Variants in GRM3 observed in about 807,000 individuals in gnomAD.
The protein encoded by GRM3 is metabotropic glutamate receptor 3.
A neutral mutation model predicts 70.5 loss-of-function variants in GRM3; 26 were observed. The ratio of observed to expected loss-of-function variants is 0.37; its 90% confidence interval spans 0.27 to 0.51. The LOEUF (loss-of-function observed/expected upper bound fraction) is 0.51, where lower values mean the gene tolerates loss of function less well. Ranked by LOEUF, GRM3 falls within the 20% of genes least tolerant of loss-of-function variation. The pLI is 0.93. For synonymous variants in GRM3, 443 were observed against 434.9 expected (o/e 1.02, Z -0.23); for missense variants, 859 against 1,123.8 (o/e 0.76, Z 3.37).
intron 1 of GRM3, among the ~76,000 whole-genome samples, chr7:86,735,686 G>T (rs1391072237): frequency 6.6e-6 from 1 of 152,154 alleles, no homozygotes; most frequent in Non-Finnish European, 1.5e-5. Flanking sequence ...ACTACGAGTG[G>T]ATGAAGGATC....
At chr7:86,805,128 G>A (rs1293247628) in intron 3 of GRM3, among the ~76,000 whole-genome samples, 2 of 151,958 alleles carry the variant, frequency 1.3e-5, no homozygotes, top group African/African-American at 4.8e-5. Flanking sequence ...AAAAATAGAA[G>A]GGAAGATAAA....
intron 3 of GRM3, among the ~76,000 whole-genome samples, chr7:86,805,211 A>C (rs1797763960): frequency 1.3e-5 from 2 of 152,370 alleles, no homozygotes; most frequent in Non-Finnish European, 1.5e-5. Flanking sequence ...GACTTTGAAG[A>C]ACCAGGGAAA....
intron 3 of GRM3, among the ~76,000 whole-genome samples, chr7:86,800,591 A>C (rs1280225823): frequency 6.6e-6 from 1 of 152,224 alleles, no homozygotes; most frequent in East Asian, 1.9e-4. Flanking sequence ...TGAACAAGGG[A>C]GAAGTTGAAT....
At chr7:86,834,330 C>A (rs1020615800) in intron 3 of GRM3, among the ~76,000 whole-genome samples, 3 of 152,078 alleles carry the variant, frequency 2.0e-5, no homozygotes, top group Non-Finnish European at 4.4e-5. Context: ...CAGAGTAATT[C>A]TTTTCCTGTT....
intron 1 of GRM3, among the ~76,000 whole-genome samples, chr7:86,688,503 T>C (rs1376820709): frequency 6.6e-6 from 1 of 151,456 alleles, no homozygotes; most frequent in Non-Finnish European, 1.5e-5. Flanking sequence ...AAGCAAAAAG[T>C]TGAAAGAACT....
At chr7:86,732,687 G>T (rs777930692) in intron 1 of GRM3, among the ~76,000 whole-genome samples, 2 of 152,178 alleles carry the variant, frequency 1.3e-5, no homozygotes, top group Non-Finnish European at 2.9e-5. Context: ...GGCTTAAAAA[G>T]ATTCAATAAG....
intron 1 of GRM3, among the ~76,000 whole-genome samples, chr7:86,724,493 ATTAT>A (rs1795546787): frequency 6.6e-6 from 1 of 152,188 alleles, no homozygotes; most frequent in Admixed American, 6.5e-5. Context: ...AGCCCTTTAC[ATTAT>A]TTATTTTTAC....
intron 3 of GRM3, among the ~76,000 whole-genome samples, chr7:86,821,806 C>T (rs1431413177): frequency 1.3e-5 from 2 of 152,126 alleles, no homozygotes; most frequent in African/African-American, 4.8e-5. Flanking sequence ...CACCACGCTT[C>T]CTTAATTTTT....
At chr7:86,842,200 G>T (rs922725787) in intron 4 of GRM3, among the ~76,000 whole-genome samples, 1 of 152,152 alleles carries the variant, frequency 6.6e-6, no homozygotes, top group African/African-American at 2.4e-5. Flanking sequence ...TTTGCAGCCA[G>T]GATTGAAACC....
At chr7:86,731,557 T>C (rs1300948551) in intron 1 of GRM3, among the ~76,000 whole-genome samples, 1 of 152,216 alleles carries the variant, frequency 6.6e-6, no homozygotes, top group African/African-American at 2.4e-5. Context: ...GTTATACAGA[T>C]TTGCCTTCTC....
At chr7:86,734,369 A>G (rs530387897) in intron 1 of GRM3, among the ~76,000 whole-genome samples, 44 of 152,310 alleles carry the variant, frequency 2.9e-4, no homozygotes, top group South Asian at 8.3e-4. Context: ...GGCAACACTC[A>G]GTCTATCAGT....
At chr7:86,680,832 A>G (rs192703183) in intron 1 of GRM3, among the ~76,000 whole-genome samples, 1 of 152,098 alleles carries the variant, frequency 6.6e-6, no homozygotes, top group Admixed American at 6.6e-5. Flanking sequence ...GACAAACACA[A>G]TTTCATAGGT....
At chr7:86,679,113 C>T (rs1255348460) in intron 1 of GRM3, among the ~76,000 whole-genome samples, 1 of 151,944 alleles carries the variant, frequency 6.6e-6, no homozygotes, top group East Asian at 1.9e-4. Flanking sequence ...TCATCTTTTT[C>T]TCTGCAGTGA....
At chr7:86,780,392 A>G (rs1188919312) in intron 2 of GRM3, among the ~76,000 whole-genome samples, 2 of 152,214 alleles carry the variant, frequency 1.3e-5, no homozygotes, top group Admixed American at 6.5e-5. Flanking sequence ...AAACATAATC[A>G]TATCTGGCCA....
At chr7:86,691,362 C>G in intron 1 of GRM3, among the ~76,000 whole-genome samples, 1 of 151,908 alleles carries the variant, frequency 6.6e-6, no homozygotes, top group East Asian at 1.9e-4. Context: ...TTTTTTTTAG[C>G]ATGTCAAAGC....
At chr7:86,649,655 A>G (rs569578664) in intron 1 of GRM3, among the ~76,000 whole-genome samples, 3 of 152,256 alleles carry the variant, frequency 2.0e-5, no homozygotes, top group East Asian at 3.9e-4. Context: ...GATTAAAAAA[A>G]ATCAAAACCA....
intron 1 of GRM3, among the ~76,000 whole-genome samples, chr7:86,731,867 T>A (rs12704283): frequency 0.099 from 15,006 of 152,216 alleles, 868 homozygotes; most frequent in Middle Eastern, 0.16. Flanking sequence ...AATTTTTTTT[T>A]ATCTTAAATG....
intron 1 of GRM3, among the ~76,000 whole-genome samples, chr7:86,749,426 G>A (rs1796179633): frequency 6.6e-6 from 1 of 152,026 alleles, no homozygotes; most frequent in East Asian, 1.9e-4. Context: ...AATTCCCCAA[G>A]GTTATTACCC....
At chr7:86,694,094 G>C (rs1294395195) in intron 1 of GRM3, among the ~76,000 whole-genome samples, 1 of 152,120 alleles carries the variant, frequency 6.6e-6, no homozygotes, top group African/African-American at 2.4e-5. Flanking sequence ...GGAGGTGAGA[G>C]GTTAATTCTG....
Sources: allele counts gnomAD v4.1 joint callset (sites outside exome capture counted in the v4.1 genomes callset), GRCh38; gene constraint gnomAD v4.1.1; transcripts MANE v1.5; gene names NCBI Gene and HGNC (gene_info 2026-07-23, HGNC 2026-07-21).